PATJ: variants seen among roughly 807,000 people sequenced by gnomAD.
PATJ encodes inaD-like protein.
Under a neutral mutation model 224.9 loss-of-function variants are expected in PATJ, and 190 were observed. The observed-to-expected ratio is 0.84, with a 90% confidence interval of 0.75 to 0.95. The LOEUF (loss-of-function observed/expected upper bound fraction) is 0.95, where lower values mean the gene tolerates loss of function less well. PATJ is among the 40% of genes least tolerant of loss of function. PATJ has a pLI of 0.00. For synonymous variants in PATJ, 769 were observed against 820.3 expected, an observed-to-expected ratio of 0.94 and a Z score of 1.07; for missense variants, 2,121 against 2,270.3, an observed-to-expected ratio of 0.93 and a Z score of 1.34.
intron 30 of PATJ, among the ~76,000 whole-genome samples, chr1:62,038,300 A>C (rs1348473294): frequency 6.6e-6 from 1 of 152,178 alleles, no homozygotes; most frequent in South Asian, 2.1e-4. Context: ...ATTTTGTCCT[A>C]ATTGAGCATT....
chr1:61,812,669 T>G (rs994377938), intron 14 of PATJ, among the ~76,000 whole-genome samples: 2 of 151,756 alleles, frequency 1.3e-5, no homozygotes, highest in African/African-American at 4.8e-5. Context: ...GGCAACATGA[T>G]AAAACCTCGT....
At chr1:61,752,311 C>CTTTTTT (rs370759266) in intron 1 of PATJ, among the ~76,000 whole-genome samples, 4 of 124,018 alleles carry the variant, frequency 3.2e-5, no homozygotes, top group Admixed American at 8.8e-5. Flanking sequence ...TCATTTCTTT[C>CTTTTTT]TTTTTTTTTT....
At chr1:61,752,393 A>C (rs1381921878) in intron 1 of PATJ, among the ~76,000 whole-genome samples, 11 of 145,748 alleles carry the variant, frequency 7.5e-5, no homozygotes, top group African/African-American at 2.5e-4. Flanking sequence ...GGCTCACTGC[A>C]ACCTCTGCCT....
chr1:61,844,257 C>T (rs1030283205), intron 17 of PATJ, among the ~76,000 whole-genome samples: 11 of 152,192 alleles, frequency 7.2e-5, no homozygotes, highest in African/African-American at 2.4e-4. Flanking sequence ...ATTCCAGCCA[C>T]AGTGAATAAC....
chr1:62,010,612 T>A (rs879409405), intron 28 of PATJ, among the ~76,000 whole-genome samples: 1 of 152,202 alleles, frequency 6.6e-6, no homozygotes, highest in Non-Finnish European at 1.5e-5. Context: ...ATGACAGGAT[T>A]TCATTCTTTG....
At chr1:61,751,025 A>T (rs985632640) in intron 1 of PATJ, among the ~76,000 whole-genome samples, 1 of 133,624 alleles carries the variant, frequency 7.5e-6, no homozygotes, top group Non-Finnish European at 1.6e-5. Context: ...TTTGAGATGG[A>T]GTCTCACACT....
chr1:61,748,787 C>T (rs915404661), intron 1 of PATJ, among the ~76,000 whole-genome samples: 1 of 151,684 alleles, frequency 6.6e-6, no homozygotes, highest in Non-Finnish European at 1.5e-5. Context: ...GCCTGGACTA[C>T]AGGCACGCAC....
At chr1:62,143,880 G>C (rs58604849) in intron 41 of PATJ, among the ~76,000 whole-genome samples, 15,374 of 152,182 alleles carry the variant, frequency 0.1, 877 homozygotes, top group Middle Eastern at 0.19. Flanking sequence ...AGAGCAAAGA[G>C]ATGGAGAAAC....
chr1:61,824,173 G>C (rs761835562), intron 15 of PATJ, among the ~76,000 whole-genome samples: 67 of 151,902 alleles, frequency 4.4e-4, no homozygotes, highest in Non-Finnish European at 7.9e-4. Flanking sequence ...ATTACGTATT[G>C]AGAAATGAGA....
intron 17 of PATJ, among the ~76,000 whole-genome samples, chr1:61,852,197 C>T (rs899441000): frequency 6.7e-6 from 1 of 150,018 alleles, no homozygotes; most frequent in East Asian, 1.9e-4. Flanking sequence ...ATATGGTACA[C>T]TGTTACAGTG....
In PATJ at chr1:62,148,354, G is replaced by GTTCGCCCA; in HGVS notation, c.5343_5350dup (p.Thr1784IlefsTer34). On this transcript the variant is annotated frameshift_variant, in exon 42 of 44. Coordinates refer to ENST00000642238, the MANE Select transcript of PATJ (RefSeq NM_001350145.3). LOFTEE classifies it high-confidence loss of function. Reference sequence around the variant, plus strand: ...AACATGTCTACAGGCTACCACCTTGGTTCGCCCACTGCTGAACACCATCCA... The same window carrying GTTCGCCCA: ...AACATGTCTACAGGCTACCACCTTGGTTCGCCCATTCGCCCACTGCTGAACACCATCCA... The GTTCGCCCA allele has an allele frequency of 6.2e-7, 1 of 1,613,842 alleles. No individual in the cohort carries two copies. The highest frequency in any genetic ancestry group is 8.5e-7 in the Non-Finnish European group (1 of 1,179,896).
At chr1:61,792,135 A>T (rs1158115045) in intron 9 of PATJ, among the ~76,000 whole-genome samples, 1 of 152,224 alleles carries the variant, frequency 6.6e-6, no homozygotes, top group Non-Finnish European at 1.5e-5. Context: ...TTAAAAAAAA[A>T]TTGTTATTTT....
At chr1:61,830,241 T>A (rs1231318400) in intron 16 of PATJ, among the ~76,000 whole-genome samples, 1 of 152,088 alleles carries the variant, frequency 6.6e-6, no homozygotes, top group Non-Finnish European at 1.5e-5. Context: ...AGAACCAAAT[T>A]AGGAACTCAA....
chr1:62,131,004 A>C (rs1347873831), intron 41 of PATJ, among the ~76,000 whole-genome samples: 1 of 152,214 alleles, frequency 6.6e-6, no homozygotes, highest in African/African-American at 2.4e-5. Flanking sequence ...GTTTACTATC[A>C]CACTAGTCTT....
At chr1:61,824,145 T>C (rs554543211) in intron 15 of PATJ, among the ~76,000 whole-genome samples, 54 of 152,290 alleles carry the variant, frequency 3.5e-4, no homozygotes, top group Middle Eastern at 3.4e-3. Flanking sequence ...TTGGAAACTA[T>C]TGCTGTAGTA....
intron 28 of PATJ, among the ~76,000 whole-genome samples, chr1:61,992,884 A>G (rs1645149386): frequency 6.6e-6 from 1 of 152,226 alleles, no homozygotes; most frequent in African/African-American, 2.4e-5. Flanking sequence ...AGCATAATGT[A>G]TGTAAGAGGT....
At chr1:62,112,880 T>G (rs1032794656) in intron 34 of PATJ, among the ~76,000 whole-genome samples, 2 of 152,176 alleles carry the variant, frequency 1.3e-5, no homozygotes, top group Non-Finnish European at 2.9e-5. Flanking sequence ...TGAGGCAGCA[T>G]GGAATAGGAA....
intron 31 of PATJ, among the ~76,000 whole-genome samples, chr1:62,077,513 A>C (rs1309554829): frequency 6.6e-6 from 1 of 151,886 alleles, no homozygotes; most frequent in African/African-American, 2.4e-5. Flanking sequence ...ACATAGCAAA[A>C]CTCCATCTTT....
intron 28 of PATJ, among the ~76,000 whole-genome samples, chr1:62,008,357 G>T (rs1646222166): frequency 6.6e-6 from 1 of 152,144 alleles, no homozygotes; most frequent in Non-Finnish European, 1.5e-5. Flanking sequence ...ATCTGGTCTG[G>T]CTTTCTCATC....
Sources: gnomAD v4.1 joint callset for allele counts (sites outside exome capture counted in the v4.1 genomes callset) on GRCh38, gnomAD v4.1.1 for gene constraint, MANE v1.5 for transcripts, NCBI Gene and HGNC (gene_info 2026-07-23, HGNC 2026-07-21) for gene names.